The following RYK variants were observed in gnomAD, a reference collection of about 807,000 sequenced individuals.
RYK encodes the protein inactive tyrosine-protein kinase RYK.
Under a neutral mutation model 70.2 loss-of-function variants are expected in RYK, and 21 were observed. That is an observed-to-expected ratio of 0.30 (90% confidence interval 0.21 to 0.43). The LOEUF (loss-of-function observed/expected upper bound fraction) is 0.43. Ranked by LOEUF, RYK falls within the 20% of genes least tolerant of loss-of-function variation. The probability of loss-of-function intolerance (pLI) is 1.00; values close to 1 mark genes in which losing one functional copy is unlikely to be tolerated. For missense variants in RYK, 604 were observed against 753.3 expected (o/e 0.80, Z 2.32); for synonymous variants, 267 against 278.0 (o/e 0.96, Z 0.39).
At chr3:134,231,988 C>T (rs552968127) in intron 1 of RYK, among the ~76,000 whole-genome samples, 8 of 152,278 alleles carry the variant, frequency 5.3e-5, no homozygotes, top group African/African-American at 1.9e-4. Flanking sequence ...TTTTATTCCT[C>T]AACTCCAACA....
chr3:134,161,105 A>G (rs2012456552), intron 13 of RYK, among the ~76,000 whole-genome samples: 1 of 152,230 alleles, frequency 6.6e-6, no homozygotes, highest in Non-Finnish European at 1.5e-5. Flanking sequence ...ATATTCTCTT[A>G]TGTTAAAATT....
At chr3:134,240,722 A>G (rs754285652) in intron 1 of RYK, among the ~76,000 whole-genome samples, 1 of 152,210 alleles carries the variant, frequency 6.6e-6, no homozygotes, top group Non-Finnish European at 1.5e-5. Context: ...AAAGGCCCCA[A>G]AAGTCTAGAG....
chr3:134,192,122 G>A, intron 7 of RYK, 148 bp from the exon 8 acceptor site: 3 of 706,652 alleles, frequency 4.2e-6, no homozygotes, highest in Middle Eastern at 2.4e-4. Flanking sequence ...TGAACTAGGA[G>A]AGTTATTTGA....
intron 1 of RYK, among the ~76,000 whole-genome samples, chr3:134,230,463 TGGC>T (rs1419484675): frequency 6.6e-6 from 1 of 152,184 alleles, no homozygotes; most frequent in Non-Finnish European, 1.5e-5. Flanking sequence ...TAACCAACTG[TGGC>T]ATATATATAA....
At chr3:134,188,163 A>ATTTTTT (rs201166804) in intron 9 of RYK, among the ~76,000 whole-genome samples, 1 of 88,922 alleles carries the variant, frequency 1.1e-5, no homozygotes, top group Non-Finnish European at 2.3e-5. Flanking sequence ...ATATATATAT[A>ATTTTTT]TATATTTTTT....
chr3:134,241,313 G>C (rs1439186519), intron 1 of RYK, among the ~76,000 whole-genome samples: 1 of 150,650 alleles, frequency 6.6e-6, no homozygotes, highest in African/African-American at 2.4e-5. Context: ...TTGCACCACT[G>C]TACTCCAGCC....
intron 13 of RYK, among the ~76,000 whole-genome samples, chr3:134,165,936 T>C (rs1576500846): frequency 6.6e-6 from 1 of 152,228 alleles, no homozygotes; most frequent in African/African-American, 2.4e-5. Context: ...GGTTCATCCA[T>C]ATCAGATTTA....
chr3:134,202,111 T>C (rs2014046494), intron 6 of RYK, among the ~76,000 whole-genome samples: 1 of 145,232 alleles, frequency 6.9e-6, no homozygotes. Flanking sequence ...ATATCATTCT[T>C]TCTTTCTGTT....
chr3:134,176,089 G>A lies in RYK; in HGVS notation c.1306-50C>T, dbSNP rs1309794966. ...TTTGCAAATAGCACACAAATATGAT[G>A]GCACTTTCTTACTTTTTTTATTCCA... On this transcript the variant is annotated intron_variant, in intron 11 of 14. Transcript: ENST00000623711. 6 of 1,076,858 alleles carry A rather than the reference G, an allele frequency of 5.6e-6. No individual in the cohort carries two copies. The Admixed American group carries it at 1.3e-4, about 22-fold the overall frequency. 66.7% of individuals were successfully genotyped at this position (1,076,858 alleles called of 1,614,324 possible).
chr3:134,224,296 G>T (rs1331641581), intron 1 of RYK, among the ~76,000 whole-genome samples: 3 of 152,136 alleles, frequency 2.0e-5, no homozygotes, highest in African/African-American at 7.2e-5. Context: ...CGTGTCCGAC[G>T]GACAGGGGGC....
chr3:134,227,405 G>A, intron 1 of RYK, among the ~76,000 whole-genome samples: 1 of 151,488 alleles, frequency 6.6e-6, no homozygotes. Flanking sequence ...AGATTTTTTT[G>A]AAAAAATAAA....
Position 134,211,598 on chromosome 3 carries a change from T to C in RYK, c.364A>G (p.Lys122Glu), listed in dbSNP as rs755315490. ...ACATTGTCCACTTGGAATCCCAGCT[T>C]ATATTCAACCTGTAAAATAGACAAA... ...TWHAKSKVEY[K>E]LGFQVDNVLA... Residue 122 changes from lysine to glutamate, a missense_variant, in exon 3 of 15, where the codon AAG becomes GAG. Transcript: ENST00000623711. The C allele has an allele frequency of 6.2e-7, 1 of 1,612,338 alleles. No individual in the cohort carries two copies. Among genetic ancestry groups the C allele is most frequent in the Non-Finnish European group, 8.5e-7 (1 of 1,178,512 alleles).
At chr3:134,246,303 T>TACACACACAC (rs71139521) in intron 1 of RYK, among the ~76,000 whole-genome samples, 2 of 89,222 alleles carry the variant, frequency 2.2e-5, no homozygotes, top group African/African-American at 4.0e-5. Context: ...CAGAAAGAAA[T>TACACACACAC]ACACACACAC....
chr3:134,178,027 G>C lies in RYK; in HGVS notation c.1219C>G (p.Pro407Ala). 6.2e-7 allele frequency: 1 copy of C among 1,605,146 alleles called. No homozygotes were observed. Among genetic ancestry groups the C allele is most frequent in the Non-Finnish European group, 8.5e-7 (1 of 1,172,996 alleles). The change falls in exon 11 of 15, where the codon CCC becomes GCC. Residue 407 changes from proline to alanine, a missense_variant. This residue lies in a region of RYK where 466 missense variants were observed against 535.9 expected (regional missense o/e 0.87). Transcript: ENST00000623711. ...TTCATGTAAGGCAATATCACCATGG[G>C]CTTTTCTCCTTCTTCTATACACACA... ...THVCIEEGEK[P>A]MVILPYMNWG... is the part of the protein sequence containing the mutation.
intron 1 of RYK, 89 bp downstream of exon 1, chr3:134,250,334 G>T (rs2015580599): frequency 1.4e-6 from 1 of 734,874 alleles, no homozygotes; most frequent in Non-Finnish European, 1.9e-6. Context: ...CTCGCCCGAG[G>T]TCCACGGCTC....
intron 10 of RYK, chr3:134,179,472 C>T (rs1466462367): frequency 1.3e-5 from 2 of 152,162 alleles, no homozygotes; most frequent in African/African-American, 2.4e-5. Flanking sequence ...TCTCTATAAC[C>T]GCTCAAGTGG....
chr3:134,192,040 G>A, intron 7 of RYK, 66 bp from the exon 8 acceptor site: 1 of 1,530,326 alleles, frequency 6.5e-7, no homozygotes, highest in Non-Finnish European at 8.9e-7. Context: ...GAGTCAACTA[G>A]TTCAGTTAGA....
At chr3:134,225,872 C>CAA (rs71304288) in intron 1 of RYK, among the ~76,000 whole-genome samples, 39,311 of 136,392 alleles carry the variant, frequency 0.29, 6,680 homozygotes, top group Middle Eastern at 0.47. Flanking sequence ...ATAAAAAGAT[C>CAA]AAAAAAAAAA....
At chr3:134,190,224 C>A (rs543454201) in intron 8 of RYK, among the ~76,000 whole-genome samples, 1 of 152,332 alleles carries the variant, frequency 6.6e-6, no homozygotes, top group South Asian at 2.1e-4. Flanking sequence ...CACACCCTGA[C>A]CTGTCTTCCT....
Sources: gnomAD v4.1 joint callset for allele counts (sites outside exome capture counted in the v4.1 genomes callset) on GRCh38, gnomAD v4.1.1 for gene constraint, gnomAD v4.1.1 regional missense constraint, MANE v1.5 for transcripts, NCBI Gene and HGNC (gene_info 2026-07-23, HGNC 2026-07-21) for gene names.